The following CNTNAP2 variants were observed in gnomAD, a reference collection of about 807,000 sequenced individuals.
The protein encoded by CNTNAP2 is contactin associated protein 2.
CNTNAP2 carries 98 observed loss-of-function variants against 155.2 expected under a neutral mutation model. The observed-to-expected ratio is 0.63, with a 90% CI of 0.54 to 0.75. The LOEUF is 0.75. CNTNAP2 is among the 30% of genes least tolerant of loss of function. The pLI is 0.00. For missense variants in CNTNAP2, 1,727 were observed against 1,688.1 expected (o/e 1.02, Z -0.40); for synonymous variants, 651 against 631.2 (o/e 1.03, Z -0.47).
intron 1 of CNTNAP2, among the ~76,000 whole-genome samples, chr7:146,557,442 G>A (rs138259315): frequency 6.6e-6 from 1 of 152,180 alleles, no homozygotes; most frequent in Non-Finnish European, 1.5e-5. Context: ...TTCCAGAAAA[G>A]TTGTGCCTTT....
rs941510952 is a variant in CNTNAP2 at position 148,097,547 on chromosome 7, C to T, written c.2384-20571C>T. Among the ~76,000 whole-genome samples the T allele has an allele frequency of 7.9e-5, 12 of 152,144 alleles. No homozygotes were observed. The South Asian group carries it at 8.3e-4, about 11-fold the overall frequency. On this transcript the variant is annotated intron_variant, in intron 15 of 23. Transcript: ENST00000361727. ...TCGCCCAGGCTGGAGTGCAGTGGCGCGATCTTGGCTCACTGCAAGCTCTGC... is the reference window on the plus strand; with the variant it reads ...TCGCCCAGGCTGGAGTGCAGTGGCGTGATCTTGGCTCACTGCAAGCTCTGC...
At chr7:147,587,807 A>G (rs192644711) in intron 12 of CNTNAP2, among the ~76,000 whole-genome samples, 46 of 152,298 alleles carry the variant, frequency 3.0e-4, no homozygotes, top group African/African-American at 9.4e-4. Context: ...TTGTTTTTAA[A>G]AATACTTTAT....
intron 1 of CNTNAP2, among the ~76,000 whole-genome samples, chr7:146,183,606 AAATAATAATAATAATAAT>A (rs55823511): frequency 7.0e-6 from 1 of 143,432 alleles, no homozygotes; most frequent in Non-Finnish European, 1.5e-5. Flanking sequence ...ATCACCACAC[AAATAATAATAATAATAAT>A]AATAATAATA....
chr7:147,214,312 C>T (rs1256023044), intron 8 of CNTNAP2, among the ~76,000 whole-genome samples: 2 of 152,136 alleles, frequency 1.3e-5, no homozygotes, highest in Non-Finnish European at 2.9e-5. Context: ...GGAGCACAGA[C>T]TCCAGGTTCA....
chr7:146,389,060 A>G (rs1292127772), intron 1 of CNTNAP2, among the ~76,000 whole-genome samples: 2 of 152,190 alleles, frequency 1.3e-5, no homozygotes, highest in East Asian at 3.9e-4. Context: ...AAACAAAAAA[A>G]CTATAAAATT....
At chr7:147,347,457 CATATATATATATATATATGCAT>C (rs1394613328) in intron 9 of CNTNAP2, among the ~76,000 whole-genome samples, 4 of 50,000 alleles carry the variant, frequency 8.0e-5, no homozygotes, top group South Asian at 1.2e-3. Flanking sequence ...TATATATATG[CATATATATATATATATATGCAT>C]ATATATATAT....
At chr7:146,162,937 C>CT (rs1798247273) in intron 1 of CNTNAP2, among the ~76,000 whole-genome samples, 1 of 152,096 alleles carries the variant, frequency 6.6e-6, no homozygotes, top group South Asian at 2.1e-4. Flanking sequence ...TGTTCTCACT[C>CT]ATAGGTGGGA....
intron 16 of CNTNAP2, among the ~76,000 whole-genome samples, chr7:148,141,202 C>G (rs1427737235): frequency 6.6e-6 from 1 of 152,222 alleles, no homozygotes; most frequent in East Asian, 1.9e-4. Flanking sequence ...TCCAAGGTCC[C>G]TGTTCCTACA....
chr7:147,695,319 G>A (rs986409833), intron 13 of CNTNAP2, among the ~76,000 whole-genome samples: 26 of 152,042 alleles, frequency 1.7e-4, no homozygotes, highest in African/African-American at 5.6e-4. Flanking sequence ...TGTGGCTGTT[G>A]GATGAAGTAG....
chr7:146,959,546 C>T (rs547144240), intron 3 of CNTNAP2, among the ~76,000 whole-genome samples: 3 of 151,046 alleles, frequency 2.0e-5, no homozygotes, highest in African/African-American at 7.3e-5. Flanking sequence ...ATGGTGAAAC[C>T]CTGCCTCTAC....
At chr7:147,110,541 G>A (rs1279504087) in intron 5 of CNTNAP2, among the ~76,000 whole-genome samples, 1 of 151,904 alleles carries the variant, frequency 6.6e-6, no homozygotes, top group Non-Finnish European at 1.5e-5. Flanking sequence ...CTAAACCTCC[G>A]ACAGACCCCA....
chr7:148,250,585 CA>C (rs896714867), intron 20 of CNTNAP2, among the ~76,000 whole-genome samples: 1 of 152,224 alleles, frequency 6.6e-6, no homozygotes, highest in Non-Finnish European at 1.5e-5. Context: ...TCTGCAGCAA[CA>C]CTGCTCCATC....
At chr7:147,460,232 T>G (rs975260362) in intron 10 of CNTNAP2, among the ~76,000 whole-genome samples, 3 of 152,006 alleles carry the variant, frequency 2.0e-5, no homozygotes, top group Admixed American at 6.6e-5. Context: ...ATACGCAGAC[T>G]CGTATTGCTG....
chr7:147,833,780 C>T (rs1318668032), intron 13 of CNTNAP2, among the ~76,000 whole-genome samples: 1 of 152,202 alleles, frequency 6.6e-6, no homozygotes, highest in Non-Finnish European at 1.5e-5. Context: ...AGACAAAGCT[C>T]TGTTAGGCAA....
chr7:146,998,001 T>C (rs1798344839), intron 3 of CNTNAP2, among the ~76,000 whole-genome samples: 1 of 152,036 alleles, frequency 6.6e-6, no homozygotes, highest in African/African-American at 2.4e-5. Context: ...CTCAGTTTTG[T>C]TGATCTTTTC....
At chr7:147,460,161 T>C (rs1251102028) in intron 10 of CNTNAP2, among the ~76,000 whole-genome samples, 1 of 151,804 alleles carries the variant, frequency 6.6e-6, no homozygotes, top group Non-Finnish European at 1.5e-5. Context: ...GAAAAATAGG[T>C]CTGCGGTGCT....
At chr7:146,469,846 T>C (rs1443729417) in intron 1 of CNTNAP2, among the ~76,000 whole-genome samples, 1 of 146,392 alleles carries the variant, frequency 6.8e-6, no homozygotes, top group Non-Finnish European at 1.5e-5. Context: ...GACATTTTTT[T>C]TTTTTTTTTT....
chr7:148,268,653 T>TTAA (rs3057302), intron 21 of CNTNAP2, among the ~76,000 whole-genome samples: 101 of 149,354 alleles, frequency 6.8e-4, no homozygotes, highest in Non-Finnish European at 1.1e-3. Context: ...AGACTCTGTC[T>TTAA]TAATAATAAT....
At chr7:146,530,917 C>T (rs78273124) in intron 1 of CNTNAP2, among the ~76,000 whole-genome samples, 3,326 of 152,270 alleles carry the variant, frequency 0.022, 80 homozygotes, top group Non-Finnish European at 0.028. Flanking sequence ...TAAAGGCACA[C>T]GCACACATAT....
Sources: allele counts gnomAD v4.1 joint callset (sites outside exome capture counted in the v4.1 genomes callset), GRCh38; gene constraint gnomAD v4.1.1; transcripts MANE v1.5; gene names NCBI Gene and HGNC (gene_info 2026-07-23, HGNC 2026-07-21).